STK32B: variants seen among roughly 807,000 people sequenced by gnomAD.
The protein encoded by STK32B is serine/threonine kinase 32B.
In STK32B, 43 loss-of-function variants were observed where a neutral mutation model predicts 52.6. The observed-to-expected ratio is 0.82, with a 90% CI of 0.64 to 1.05. The LOEUF (loss-of-function observed/expected upper bound fraction) is 1.05. Ranked by LOEUF, STK32B falls within the 50% of genes least tolerant of loss-of-function variation. The pLI is 0.00. For missense variants in STK32B, 621 were observed against 534.6 expected (o/e 1.16, Z -1.59); for synonymous variants, 238 against 204.3 (o/e 1.17, Z -1.41).
chr4:5,330,410 G>A (rs1345704740), intron 3 of STK32B, among the ~76,000 whole-genome samples: 2 of 152,080 alleles, frequency 1.3e-5, no homozygotes, highest in African/African-American at 2.4e-5. Flanking sequence ...AATGAATTTG[G>A]TACTGTATCA....
chr4:5,148,079 A>C (rs1352616852), intron 2 of STK32B, among the ~76,000 whole-genome samples: 1 of 151,860 alleles, frequency 6.6e-6, no homozygotes, highest in Non-Finnish European at 1.5e-5. Context: ...TCTTTAGTAG[A>C]TATAAGGCAC....
At chr4:5,156,437 A>G (rs1026374271) in intron 2 of STK32B, among the ~76,000 whole-genome samples, 1 of 152,134 alleles carries the variant, frequency 6.6e-6, no homozygotes, top group African/African-American at 2.4e-5. Context: ...CTTCGCACAG[A>G]CACTCCTCTA....
In STK32B at chr4:5,077,512, G is replaced by A. The variant is rs533027257; in HGVS notation, c.52+25597G>A. ...AGCTTCTCTGCAGCAATCAGAATGG[G>A]TGCTTGAGGTAGAGCCTCTCCCTGG... On this transcript the variant is annotated intron_variant, in intron 1 of 11. Transcript: ENST00000282908. 9.2e-5 allele frequency among the ~76,000 whole-genome samples: 14 copies of A among 152,250 alleles called. No individual in the cohort carries two copies. In the South Asian group the frequency reaches 2.7e-3, roughly 29 times the overall value.
chr4:5,468,152 C>A, intron 11 of STK32B, 82 bp downstream of exon 11: 2 of 1,449,488 alleles, frequency 1.4e-6, no homozygotes, highest in African/African-American at 1.4e-5. Flanking sequence ...CAGTCCCTGC[C>A]CCCCAAACCG....
chr4:5,286,708 A>T (rs999932208), intron 3 of STK32B, among the ~76,000 whole-genome samples: 1 of 152,120 alleles, frequency 6.6e-6, no homozygotes, highest in African/African-American at 2.4e-5. Context: ...TGGAATTCAA[A>T]ATAGGACTGT....
In STK32B at chr4:5,398,384, G is replaced by A. The variant is rs1180359699; in HGVS notation, c.472+140G>A. The A allele has an allele frequency of 5.9e-6, 5 of 848,186 alleles. No individual in the cohort carries two copies. In the Admixed American group the frequency reaches 9.8e-5, roughly 17 times the overall value. 52.5% of individuals were successfully genotyped at this position (848,186 alleles called of 1,614,324 possible). On this transcript the variant is annotated intron_variant, in intron 5 of 11. Coordinates refer to ENST00000282908, the MANE Select transcript of STK32B (RefSeq NM_018401.3). This position sits in a 1 kb window ranked among gnomAD's most constrained non-coding sequence, Gnocchi z 4.9. ...AACCTTCTCTTGTTTCAATCCTGGT[G>A]GATCAACATCTGTGTAAATTTCTGG...
chr4:5,149,745 TAATG>T (rs1178911436), intron 2 of STK32B, among the ~76,000 whole-genome samples: 2 of 151,702 alleles, frequency 1.3e-5, no homozygotes, highest in Admixed American at 6.6e-5. Flanking sequence ...TAAATAGAAA[TAATG>T]AATATATTGC....
intron 3 of STK32B, among the ~76,000 whole-genome samples, chr4:5,304,858 T>A (rs1245341634): frequency 1.3e-5 from 2 of 152,150 alleles, no homozygotes; most frequent in Non-Finnish European, 2.9e-5. Flanking sequence ...TTAAGGTATG[T>A]CCCTTCTATG....
In STK32B at chr4:5,343,371, CA is replaced by C. The variant is rs1481992999; in HGVS notation, c.434+11979del. Among the ~76,000 whole-genome samples the C allele has an allele frequency of 3.9e-5, 6 of 152,112 alleles. No individual in the cohort carries two copies. The South Asian group carries it at 8.3e-4, about 21-fold the overall frequency. On this transcript the variant is annotated intron_variant, in intron 4 of 11. Coordinates refer to ENST00000282908, the MANE Select transcript of STK32B (RefSeq NM_018401.3). Reference sequence around the variant, plus strand: ...TCATTGTTGGACATTTGGGTTGGTTCACAAGTCTTTGCTATTGTGAATAGTG... The same window carrying C: ...TCATTGTTGGACATTTGGGTTGGTTCCAAGTCTTTGCTATTGTGAATAGTG...
chr4:5,168,539 T>C (rs750297807), intron 3 of STK32B, 89 bp downstream of exon 3: 2 of 1,422,204 alleles, frequency 1.4e-6, no homozygotes, highest in Non-Finnish European at 1.9e-6. Context: ...TCTTCCGCAT[T>C]GTAAAGGGAA....
chr4:5,060,800 A>G (rs1160193095), intron 1 of STK32B, among the ~76,000 whole-genome samples: 1 of 152,138 alleles, frequency 6.6e-6, no homozygotes, highest in East Asian at 1.9e-4. Context: ...CTATGTCAGC[A>G]GGTTTTTTTC....
At chr4:5,385,402 G>C (rs78161079) in intron 4 of STK32B, among the ~76,000 whole-genome samples, 6,964 of 151,030 alleles carry the variant, frequency 0.046, 552 homozygotes, top group African/African-American at 0.16. Context: ...AAGGGATAAA[G>C]GGCATGGTCC....
At chr4:5,161,140 C>G (rs1240246979) in intron 2 of STK32B, among the ~76,000 whole-genome samples, 3 of 152,254 alleles carry the variant, frequency 2.0e-5, no homozygotes, top group South Asian at 4.1e-4. Context: ...GACATGGTAC[C>G]AGGCCCATGG....
At chr4:5,181,669 G>A (rs895989872) in intron 3 of STK32B, among the ~76,000 whole-genome samples, 1 of 152,176 alleles carries the variant, frequency 6.6e-6, no homozygotes, top group Non-Finnish European at 1.5e-5. Context: ...TACTGTAGTC[G>A]ATTAAGTGTG....
At chr4:5,289,187 A>G (rs1294555848) in intron 3 of STK32B, among the ~76,000 whole-genome samples, 1 of 152,222 alleles carries the variant, frequency 6.6e-6, no homozygotes, top group African/African-American at 2.4e-5. Context: ...ACTGTACTAA[A>G]TACCATAGGC....
chr4:5,118,902 C>T (rs1256788205), intron 1 of STK32B, among the ~76,000 whole-genome samples: 2 of 152,160 alleles, frequency 1.3e-5, no homozygotes, highest in Non-Finnish European at 2.9e-5. Context: ...TGTCTTCCTC[C>T]CATGGCAGCC....
intron 4 of STK32B, among the ~76,000 whole-genome samples, chr4:5,379,201 A>T (rs1735770711): frequency 6.6e-6 from 1 of 152,152 alleles, no homozygotes; most frequent in Admixed American, 6.5e-5. Flanking sequence ...ACTGGAACCC[A>T]GGTCTCCAAA....
At chr4:5,347,187 G>T (rs943085768) in intron 4 of STK32B, among the ~76,000 whole-genome samples, 1 of 152,202 alleles carries the variant, frequency 6.6e-6, no homozygotes, top group African/African-American at 2.4e-5. Context: ...TTGTCTTGGG[G>T]AGCTGGAAAG....
At chr4:5,464,542 G>T (rs1186347507) in intron 9 of STK32B, among the ~76,000 whole-genome samples, 1 of 152,240 alleles carries the variant, frequency 6.6e-6, no homozygotes, top group Non-Finnish European at 1.5e-5. Context: ...AGAACAATGG[G>T]TGACAATAGA....
Sources: gnomAD v4.1 joint callset for allele counts (sites outside exome capture counted in the v4.1 genomes callset) on GRCh38, gnomAD v4.1.1 for gene constraint, Gnocchi (gnomAD v3.1) non-coding constraint, MANE v1.5 for transcripts, NCBI Gene and HGNC (gene_info 2026-07-23, HGNC 2026-07-21) for gene names.